GPR39: variants seen among roughly 807,000 people sequenced by gnomAD.
GPR39 encodes the protein G protein-coupled receptor 39.
A neutral mutation model predicts 18.4 loss-of-function variants in GPR39; 23 were observed. The observed-to-expected ratio is 1.25, with a 90% CI of 0.90 to 1.77. The LOEUF (loss-of-function observed/expected upper bound fraction) is 1.77, where lower values mean the gene tolerates loss of function less well. Ranked by LOEUF, GPR39 falls within the 40% of genes most tolerant of loss-of-function variation. The probability of loss-of-function intolerance (pLI) is 0.00; values close to 1 mark genes in which losing one functional copy is unlikely to be tolerated. For synonymous variants in GPR39, 280 were observed against 257.9 expected, an observed-to-expected ratio of 1.09 and a Z score of -0.82; for missense variants, 647 against 602.4, an observed-to-expected ratio of 1.07 and a Z score of -0.78.
chr2:132,525,939 C>G (rs758994518), intron 1 of GPR39, among the ~76,000 whole-genome samples: 1 of 152,198 alleles, frequency 6.6e-6, no homozygotes. Flanking sequence ...GAACATCTCA[C>G]AAGTGTCTTG....
intron 1 of GPR39, among the ~76,000 whole-genome samples, chr2:132,643,958 G>C (rs565022664): frequency 4.6e-5 from 7 of 152,346 alleles, no homozygotes; most frequent in African/African-American, 1.7e-4. Context: ...AAATGTAGGA[G>C]AGGAAGGAAG....
intron 1 of GPR39, among the ~76,000 whole-genome samples, chr2:132,450,058 T>A (rs914985088): frequency 6.6e-6 from 1 of 152,200 alleles, no homozygotes; most frequent in African/African-American, 2.4e-5. Context: ...GTCTGTACCA[T>A]GTGGAACCAT....
chr2:132,634,824 T>C (rs562252537), intron 1 of GPR39, among the ~76,000 whole-genome samples: 8 of 152,290 alleles, frequency 5.3e-5, no homozygotes, highest in African/African-American at 1.7e-4. Flanking sequence ...TAAACAGGGT[T>C]TTCTGTGTCC....
intron 1 of GPR39, among the ~76,000 whole-genome samples, chr2:132,579,565 T>A (rs1680589168): frequency 1.3e-5 from 2 of 152,194 alleles, no homozygotes; most frequent in South Asian, 4.1e-4. Flanking sequence ...AAGTTCCAAC[T>A]ATAAGACTAT....
chr2:132,495,534 A>T (rs1396273462), intron 1 of GPR39, among the ~76,000 whole-genome samples: 1 of 152,114 alleles, frequency 6.6e-6, no homozygotes, highest in Non-Finnish European at 1.5e-5. Context: ...ATTCCTGCCC[A>T]TTCAGATCTG....
intron 1 of GPR39, among the ~76,000 whole-genome samples, chr2:132,428,857 T>G (rs999713759): frequency 1.3e-5 from 2 of 152,248 alleles, no homozygotes; most frequent in African/African-American, 4.8e-5. Context: ...TTGCATTATT[T>G]CTAAAAAGAA....
intron 1 of GPR39, chr2:132,488,902 G>C (rs570416142): frequency 6.5e-6 from 1 of 153,380 alleles, no homozygotes; most frequent in South Asian, 2.0e-4. Context: ...TTGCCCGCAG[G>C]TTATCTGAGT....
intron 1 of GPR39, among the ~76,000 whole-genome samples, chr2:132,528,946 C>G (rs1468061948): frequency 6.6e-6 from 1 of 152,110 alleles, no homozygotes; most frequent in Non-Finnish European, 1.5e-5. Flanking sequence ...ATGAGCGATG[C>G]AGAAGACAGG....
intron 1 of GPR39, among the ~76,000 whole-genome samples, chr2:132,605,667 G>A (rs2104845333): frequency 6.6e-6 from 1 of 152,262 alleles, no homozygotes; most frequent in East Asian, 1.9e-4. Context: ...GCATTCCTGG[G>A]TGAGGACGGA....
At chr2:132,607,809 G>A (rs773648519) in intron 1 of GPR39, among the ~76,000 whole-genome samples, 1 of 152,198 alleles carries the variant, frequency 6.6e-6, no homozygotes, top group Non-Finnish European at 1.5e-5. Context: ...TTCAGAGGTA[G>A]CGCTTTGATT....
chr2:132,430,786 G>T (rs1205221767), intron 1 of GPR39, among the ~76,000 whole-genome samples: 1 of 152,192 alleles, frequency 6.6e-6, no homozygotes, highest in African/African-American at 2.4e-5. Context: ...CCAGGAGAGC[G>T]GGTTACAGAG....
At chr2:132,536,803 T>C (rs1194270629) in intron 1 of GPR39, among the ~76,000 whole-genome samples, 1 of 152,250 alleles carries the variant, frequency 6.6e-6, no homozygotes, top group East Asian at 1.9e-4. Flanking sequence ...GTTGAATTGA[T>C]CCCTTTACCG....
intron 1 of GPR39, among the ~76,000 whole-genome samples, chr2:132,458,412 C>T (rs1431368360): frequency 6.8e-6 from 1 of 147,676 alleles, no homozygotes; most frequent in Non-Finnish European, 1.5e-5. Flanking sequence ...TTTCCATGAG[C>T]TCATATATAT....
chr2:132,556,222 G>T (rs1680149326), intron 1 of GPR39, among the ~76,000 whole-genome samples: 1 of 152,024 alleles, frequency 6.6e-6, no homozygotes, highest in South Asian at 2.1e-4. Flanking sequence ...TTTCCAAATG[G>T]CACAGAGTTT....
intron 1 of GPR39, among the ~76,000 whole-genome samples, chr2:132,535,983 C>G (rs1453821448): frequency 1.4e-5 from 2 of 141,156 alleles, no homozygotes; most frequent in Non-Finnish European, 3.0e-5. Context: ...GTATAGCTAG[C>G]AGTCCCTCTA....
intron 1 of GPR39, among the ~76,000 whole-genome samples, chr2:132,641,471 G>A (rs916520772): frequency 3.3e-5 from 5 of 152,126 alleles, no homozygotes; most frequent in Admixed American, 6.5e-5. Flanking sequence ...CTGGGGAGGG[G>A]CTAGGAAGGA....
chr2:132,490,091 G>A (rs942124014), intron 1 of GPR39, among the ~76,000 whole-genome samples: 2 of 151,848 alleles, frequency 1.3e-5, no homozygotes, highest in Non-Finnish European at 2.9e-5. Flanking sequence ...TTCTGCCAAA[G>A]CCTGGCTCAC....
At chr2:132,503,201 T>C (rs1015674369) in intron 1 of GPR39, among the ~76,000 whole-genome samples, 4 of 152,212 alleles carry the variant, frequency 2.6e-5, no homozygotes, top group African/African-American at 9.6e-5. Flanking sequence ...GGGTAGCCTA[T>C]ATCAGAAGGA....
intron 1 of GPR39, among the ~76,000 whole-genome samples, chr2:132,501,695 T>G (rs73001231): frequency 1.5e-3 from 226 of 152,238 alleles, no homozygotes; most frequent in African/African-American, 5.0e-3. Flanking sequence ...TTACTGTTAT[T>G]GTGTTGCTAT....
Sources: gnomAD v4.1 joint callset for allele counts (sites outside exome capture counted in the v4.1 genomes callset) on GRCh38, gnomAD v4.1.1 for gene constraint, MANE v1.5 for transcripts, NCBI Gene and HGNC (gene_info 2026-07-23, HGNC 2026-07-21) for gene names.